The following VPS37A variants were observed in gnomAD, a reference collection of about 807,000 sequenced individuals.
The protein encoded by VPS37A is vacuolar protein sorting-associated protein 37A.
A neutral mutation model predicts 49.8 loss-of-function variants in VPS37A; 30 were observed. The ratio of observed to expected loss-of-function variants is 0.60; its 90% CI spans 0.45 to 0.82. The LOEUF (loss-of-function observed/expected upper bound fraction) is 0.82, where lower values mean the gene tolerates loss of function less well. Ranked by LOEUF, VPS37A falls within the 40% of genes least tolerant of loss-of-function variation. The pLI is 0.00. For synonymous variants in VPS37A, 195 were observed against 160.6 expected (o/e 1.21, Z -1.62); for missense variants, 593 against 464.4 (o/e 1.28, Z -2.55).
At chr8:17,300,210 A>C (rs200905153), downstream of VPS37A, 1 of 1,602,330 alleles carries the variant, frequency 6.2e-7, no homozygotes, top group East Asian at 2.2e-5. Flanking sequence ...GGACCTTTTG[A>C]ATTTTTTCCA....
chr8:17,306,973 G>A (rs1377348737), downstream of VPS37A, among the ~76,000 whole-genome samples: 2 of 152,112 alleles, frequency 1.3e-5, no homozygotes, highest in African/African-American at 4.8e-5. Context: ...CAGGACATAG[G>A]CATGGGCAAG....
At chr8:17,303,994 A>C (rs1208299006), downstream of VPS37A, among the ~76,000 whole-genome samples, 1 of 152,202 alleles carries the variant, frequency 6.6e-6, no homozygotes, top group African/African-American at 2.4e-5. Context: ...TTTGTTGTAT[A>C]ACGGCAAAAA....
intron 1 of VPS37A, among the ~76,000 whole-genome samples, chr8:17,263,011 A>AGATCTCGCCATTGCACTCCAGCCT (rs1813101509): frequency 6.6e-6 from 1 of 151,244 alleles, no homozygotes; most frequent in Non-Finnish European, 1.5e-5. Flanking sequence ...CAGTGAGCCG[A>AGATCTCGCCATTGCACTCCAGCCT]GATCTCGCCA....
chr8:17,282,658 A>G (rs376152185), intron 9 of VPS37A, among the ~76,000 whole-genome samples: 2 of 152,202 alleles, frequency 1.3e-5, no homozygotes, highest in Non-Finnish European at 2.9e-5. Flanking sequence ...TAAATGTCCA[A>G]TAAAGATTCT....
chr8:17,305,201 G>A (rs899470076), downstream of VPS37A, among the ~76,000 whole-genome samples: 3 of 152,122 alleles, frequency 2.0e-5, no homozygotes, highest in African/African-American at 7.2e-5. Flanking sequence ...TGATAATGTT[G>A]TATACACCAT....
At chr8:17,308,818 G>A in the VPS37A span, among the ~76,000 whole-genome samples, 1 of 152,164 alleles carries the variant, frequency 6.6e-6, no homozygotes, top group Non-Finnish European at 1.5e-5. Flanking sequence ...GATATGTCTG[G>A]TTCTGAAGCC....
chr8:17,312,900 C>T, the VPS37A span, among the ~76,000 whole-genome samples: 5 of 152,260 alleles, frequency 3.3e-5, no homozygotes, highest in East Asian at 7.7e-4. Flanking sequence ...ATGGACTCTA[C>T]CTTCCAGCTA....
intron 11 of VPS37A, among the ~76,000 whole-genome samples, chr8:17,290,789 C>G (rs571028967): frequency 6.6e-6 from 1 of 152,244 alleles, no homozygotes; most frequent in East Asian, 1.9e-4. Context: ...TAGAATTTGG[C>G]TATGAATCAG....
At chr8:17,285,115 A>G (rs1007034047) in intron 10 of VPS37A, among the ~76,000 whole-genome samples, 9 of 152,160 alleles carry the variant, frequency 5.9e-5, no homozygotes, top group Admixed American at 1.3e-4. Flanking sequence ...AGTGAAAAAC[A>G]TTAGCACATT....
downstream of VPS37A, chr8:17,299,697 A>G: frequency 2.4e-6 from 2 of 847,140 alleles, no homozygotes; most frequent in Non-Finnish European, 3.6e-6. Flanking sequence ...CCTCTTCAGT[A>G]TCTAAGAAAT....
the VPS37A span, among the ~76,000 whole-genome samples, chr8:17,310,526 T>G: frequency 6.6e-6 from 1 of 152,118 alleles, no homozygotes. Context: ...GGGCAGTGTG[T>G]GACTGGCAAC....
the VPS37A span, among the ~76,000 whole-genome samples, chr8:17,325,676 G>A: frequency 6.6e-6 from 1 of 152,186 alleles, no homozygotes. Flanking sequence ...AACTTGCTGA[G>A]AAAATACCCA....
At chr8:17,303,459 A>C (rs1290935172), downstream of VPS37A, among the ~76,000 whole-genome samples, 1 of 152,148 alleles carries the variant, frequency 6.6e-6, no homozygotes, top group Non-Finnish European at 1.5e-5. Context: ...TTTATTCTGC[A>C]TGAGTCTTTT....
At chr8:17,326,837 G>C in the VPS37A span, among the ~76,000 whole-genome samples, 1 of 152,164 alleles carries the variant, frequency 6.6e-6, no homozygotes. Context: ...ATTTATGCTT[G>C]AGAAACATCC....
the VPS37A span, among the ~76,000 whole-genome samples, chr8:17,320,878 A>C: frequency 6.6e-6 from 1 of 152,234 alleles, no homozygotes; most frequent in Non-Finnish European, 1.5e-5. Flanking sequence ...CTTTCTGTCC[A>C]ACCCCAGGCC....
intron 1 of VPS37A, among the ~76,000 whole-genome samples, chr8:17,249,865 ACTGT>A (rs1811812090): frequency 6.6e-6 from 1 of 152,200 alleles, no homozygotes; most frequent in Non-Finnish European, 1.5e-5. Context: ...CCGAAGGAAA[ACTGT>A]CTGTATTTAT....
the VPS37A span, among the ~76,000 whole-genome samples, chr8:17,313,735 G>C: frequency 6.6e-6 from 1 of 152,120 alleles, no homozygotes. Flanking sequence ...AATTAAAAAT[G>C]GGCCACTAAG....
rs1811279486 is a variant in VPS37A at position 17,247,019 on chromosome 8, C to G, written c.-226C>G. 1 of 597,532 alleles carries G rather than the reference C, an allele frequency of 1.7e-6. No individual in the cohort carries two copies. The highest frequency in any genetic ancestry group is 2.9e-6 in the Non-Finnish European group (1 of 342,958). 37.0% of individuals were successfully genotyped at this position (597,532 alleles called of 1,614,324 possible). On this transcript the variant is annotated 5_prime_UTR_variant, in exon 1 of 12. Transcript: ENST00000324849. Reference sequence around the variant, plus strand: ...CGTCTGGGCCGTGAAGGTGGGACCTCCTGTTCCGGGCCGCAAGTTTCCCTC... The same window carrying G: ...CGTCTGGGCCGTGAAGGTGGGACCTGCTGTTCCGGGCCGCAAGTTTCCCTC...
chr8:17,271,898 G>C (rs1248265748), intron 4 of VPS37A: 7 of 445,068 alleles, frequency 1.6e-5, no homozygotes, highest in Non-Finnish European at 2.2e-5. Flanking sequence ...AGGGAAGCTA[G>C]GAATGAGAGA....
Sources: gnomAD v4.1 joint callset for allele counts (sites outside exome capture counted in the v4.1 genomes callset) on GRCh38, gnomAD v4.1.1 for gene constraint, MANE v1.5 for transcripts, NCBI Gene and HGNC (gene_info 2026-07-23, HGNC 2026-07-21) for gene names.